Variants in MSRA observed in about 807,000 individuals in gnomAD.
MSRA encodes methionine sulfoxide reductase A.
A neutral mutation model predicts 31.3 loss-of-function variants in MSRA; 54 were observed. The observed-to-expected ratio is 1.73, with a 90% CI of 1.39 to 2.17. The LOEUF is 2.17. MSRA is among the 30% of genes most tolerant of loss of function. MSRA has a pLI of 0.00. For missense variants in MSRA, 507 were observed against 300.9 expected, an observed-to-expected ratio of 1.69 and a Z score of -5.07; for synonymous variants, 169 against 116.5, an observed-to-expected ratio of 1.45 and a Z score of -2.90.
chr8:10,138,111 T>G (rs538676698), intron 1 of MSRA, among the ~76,000 whole-genome samples: 42 of 152,320 alleles, frequency 2.8e-4, no homozygotes, highest in Middle Eastern at 3.4e-3. Context: ...CTGGTCAGAC[T>G]CTTTCTGGAT....
intron 1 of MSRA, among the ~76,000 whole-genome samples, chr8:10,061,123 C>T (rs75338602): frequency 0.011 from 1,646 of 152,172 alleles, 27 homozygotes; most frequent in African/African-American, 0.036. Flanking sequence ...TATTCTGTAC[C>T]TCCCACAATG....
chr8:10,201,288 A>G (rs897076346), intron 1 of MSRA, among the ~76,000 whole-genome samples: 1 of 152,146 alleles, frequency 6.6e-6, no homozygotes, highest in African/African-American at 2.4e-5. Context: ...TTGGGTTGGC[A>G]TGGGGTTAAT....
chr8:10,096,130 C>A, intron 1 of MSRA: 3 of 1,249,468 alleles, frequency 2.4e-6, no homozygotes, highest in East Asian at 2.8e-5. Context: ...TTTATGCAGC[C>A]CAGCCAGGAA....
intron 1 of MSRA, among the ~76,000 whole-genome samples, chr8:10,130,692 G>A (rs1299691461): frequency 2.6e-5 from 4 of 152,206 alleles, no homozygotes; most frequent in Admixed American, 2.0e-4. Context: ...AACAGTGCCA[G>A]TAATAGCACG....
intron 3 of MSRA, among the ~76,000 whole-genome samples, chr8:10,247,929 T>G (rs1286129979): frequency 5.9e-5 from 9 of 152,000 alleles, no homozygotes; most frequent in Non-Finnish European, 1.0e-4. Context: ...CTAGAGTAAT[T>G]ATGGTAACTA....
At chr8:10,270,376 T>C (rs187248783) in intron 3 of MSRA, among the ~76,000 whole-genome samples, 1 of 149,748 alleles carries the variant, frequency 6.7e-6, no homozygotes, top group Non-Finnish European at 1.5e-5. Context: ...TCCATAGAAA[T>C]TATGTGTGTC....
chr8:10,178,741 A>T (rs1256067123), intron 1 of MSRA, among the ~76,000 whole-genome samples: 1 of 152,156 alleles, frequency 6.6e-6, no homozygotes, highest in African/African-American at 2.4e-5. Context: ...ATGTTGAAAG[A>T]TTGGAAACTC....
intron 2 of MSRA, among the ~76,000 whole-genome samples, chr8:10,234,573 C>G (rs983275682): frequency 6.6e-6 from 1 of 151,624 alleles, no homozygotes; most frequent in Non-Finnish European, 1.5e-5. Flanking sequence ...GTAGAAAACA[C>G]AAAATGAGGT....
At chr8:10,153,489 G>A (rs923271636) in intron 1 of MSRA, among the ~76,000 whole-genome samples, 18 of 148,600 alleles carry the variant, frequency 1.2e-4, no homozygotes, top group Middle Eastern at 3.2e-3. Context: ...TCACACCAGC[G>A]TCTTTCTTCA....
chr8:10,182,507 G>C (rs1806632788), intron 1 of MSRA, among the ~76,000 whole-genome samples: 1 of 152,186 alleles, frequency 6.6e-6, no homozygotes, highest in Non-Finnish European at 1.5e-5. Context: ...AACTGGGGAA[G>C]GATCTGCTTC....
chr8:10,117,130 T>G (rs916964559), intron 1 of MSRA, among the ~76,000 whole-genome samples: 1 of 152,202 alleles, frequency 6.6e-6, no homozygotes, highest in Non-Finnish European at 1.5e-5. Flanking sequence ...TCATGCTTTC[T>G]AGGAGTCCTC....
At chr8:10,322,901 C>G (rs796681614) in intron 5 of MSRA, among the ~76,000 whole-genome samples, 9 of 152,138 alleles carry the variant, frequency 5.9e-5, no homozygotes, top group African/African-American at 1.7e-4. Context: ...ACCAGCCTGA[C>G]TAACATGGTG....
intron 1 of MSRA, among the ~76,000 whole-genome samples, chr8:10,205,179 A>G (rs965480335): frequency 6.6e-6 from 1 of 152,166 alleles, no homozygotes; most frequent in African/African-American, 2.4e-5. Context: ...TTGGAAAGAT[A>G]ATTGTGGCTA....
intron 3 of MSRA, among the ~76,000 whole-genome samples, chr8:10,271,173 C>T (rs6601426): frequency 1.3e-5 from 2 of 151,918 alleles, no homozygotes; most frequent in Non-Finnish European, 2.9e-5. Flanking sequence ...GTGGGCAAAA[C>T]ATTTGAAAAG....
intron 1 of MSRA, among the ~76,000 whole-genome samples, chr8:10,099,161 A>G (rs942186905): frequency 6.6e-6 from 1 of 152,174 alleles, no homozygotes; most frequent in Non-Finnish European, 1.5e-5. Context: ...TATTCCATGC[A>G]GTTGTTCTCT....
chr8:10,185,133 G>T (rs1411723598), intron 1 of MSRA, among the ~76,000 whole-genome samples: 1 of 152,162 alleles, frequency 6.6e-6, no homozygotes, highest in African/African-American at 2.4e-5. Flanking sequence ...AGCCCCTGCT[G>T]ATCTCTCATC....
At chr8:10,317,524 A>T (rs1017271166) in intron 4 of MSRA, among the ~76,000 whole-genome samples, 5 of 152,160 alleles carry the variant, frequency 3.3e-5, no homozygotes, top group African/African-American at 1.2e-4. Flanking sequence ...GAGAAAGTGG[A>T]TGGAGAAATC....
chr8:10,146,766 G>C (rs755834883), intron 1 of MSRA, among the ~76,000 whole-genome samples: 5 of 152,170 alleles, frequency 3.3e-5, no homozygotes, highest in Non-Finnish European at 7.4e-5. Flanking sequence ...CGTGGCGCTG[G>C]TCTGAGCCTC....
At chr8:10,220,237 A>G (rs961951290) in intron 2 of MSRA, among the ~76,000 whole-genome samples, 13 of 152,246 alleles carry the variant, frequency 8.5e-5, no homozygotes, top group African/African-American at 3.1e-4. Context: ...ATATTTGACC[A>G]AGACCAAGTT....
Sources: gnomAD v4.1 joint callset for allele counts (sites outside exome capture counted in the v4.1 genomes callset) on GRCh38, gnomAD v4.1.1 for gene constraint, MANE v1.5 for transcripts, NCBI Gene and HGNC (gene_info 2026-07-23, HGNC 2026-07-21) for gene names.